Variants in PPARGC1A observed in about 807,000 individuals in gnomAD.
PPARGC1A encodes the protein peroxisome proliferator-activated receptor gamma coactivator 1-alpha.
PPARGC1A carries 25 observed loss-of-function variants against 88.7 expected under a neutral mutation model. The ratio of observed to expected loss-of-function variants is 0.28; its 90% CI spans 0.21 to 0.39. The LOEUF is 0.39. Ranked by LOEUF, PPARGC1A falls within the 10% of genes least tolerant of loss-of-function variation. The probability of loss-of-function intolerance (pLI) is 1.00; values close to 1 mark genes in which losing one functional copy is unlikely to be tolerated. For missense variants in PPARGC1A, 880 were observed against 968.7 expected (o/e 0.91, Z 1.22); for synonymous variants, 363 against 355.6 (o/e 1.02, Z -0.24).
chr4:24,160,387 G>C, the PPARGC1A span, among the ~76,000 whole-genome samples: 1 of 152,148 alleles, frequency 6.6e-6, no homozygotes, highest in East Asian at 1.9e-4. Context: ...TATTAAGTAA[G>C]TAAAAGTATT....
At chr4:23,846,263 G>A (rs535265742) in intron 2 of PPARGC1A, among the ~76,000 whole-genome samples, 38 of 152,148 alleles carry the variant, frequency 2.5e-4, no homozygotes, top group African/African-American at 8.2e-4. Flanking sequence ...TAAAAGCTGC[G>A]TGGTCAACTC....
chr4:24,444,444 T>A, the PPARGC1A span, among the ~76,000 whole-genome samples: 5 of 151,632 alleles, frequency 3.3e-5, no homozygotes, highest in South Asian at 2.1e-4. Flanking sequence ...GCAAAAAAAA[T>A]TTAAAAATTT....
At chr4:24,294,308 G>A in the PPARGC1A span, among the ~76,000 whole-genome samples, 6 of 152,066 alleles carry the variant, frequency 3.9e-5, no homozygotes, top group East Asian at 1.9e-4. Flanking sequence ...ATATGATCTC[G>A]AATAATGTTT....
At chr4:23,841,089 G>A (rs1177216985) in intron 2 of PPARGC1A, among the ~76,000 whole-genome samples, 2 of 152,048 alleles carry the variant, frequency 1.3e-5, no homozygotes, top group South Asian at 2.1e-4. Flanking sequence ...TCTTGAAAAC[G>A]CAGAAATTTA....
At chr4:24,470,277 G>GACACACAGACACACACACACAC in the PPARGC1A span, among the ~76,000 whole-genome samples, 3 of 110,746 alleles carry the variant, frequency 2.7e-5, no homozygotes, top group South Asian at 3.4e-4. This position sits in a 1 kb window ranked among gnomAD's most constrained non-coding sequence, Gnocchi z 5.8. Flanking sequence ...GACAGACACA[G>GACACACAGACACACACACACAC]ACACACACAC....
At chr4:24,120,171 A>G in the PPARGC1A span, among the ~76,000 whole-genome samples, 1 of 152,190 alleles carries the variant, frequency 6.6e-6, no homozygotes, top group African/African-American at 2.4e-5. Flanking sequence ...CTGAGGCTCC[A>G]GGGTTCAACC....
chr4:24,340,289 A>C, the PPARGC1A span, among the ~76,000 whole-genome samples: 1 of 152,206 alleles, frequency 6.6e-6, no homozygotes. Context: ...CCCAGTTATA[A>C]ACAAGAAATA....
chr4:23,860,494 G>T (rs1419810184), intron 2 of PPARGC1A, among the ~76,000 whole-genome samples: 2 of 152,132 alleles, frequency 1.3e-5, no homozygotes, highest in Middle Eastern at 3.2e-3. Context: ...TATGTGAGGT[G>T]ATGGATGTGT....
the PPARGC1A span, among the ~76,000 whole-genome samples, chr4:24,352,286 C>G: frequency 6.6e-6 from 1 of 152,146 alleles, no homozygotes; most frequent in Admixed American, 6.5e-5. Flanking sequence ...ATCACTCCAA[C>G]AGAAAGCACA....
chr4:24,008,412 A>G, the PPARGC1A span, among the ~76,000 whole-genome samples: 2 of 152,240 alleles, frequency 1.3e-5, no homozygotes, highest in African/African-American at 2.4e-5. Context: ...GGATATATCT[A>G]TTTTCAGTCC....
At chr4:24,122,391 G>GTGTT in the PPARGC1A span, among the ~76,000 whole-genome samples, 1 of 135,608 alleles carries the variant, frequency 7.4e-6, no homozygotes, top group Non-Finnish European at 1.6e-5. Flanking sequence ...GCGTATGTGT[G>GTGTT]TGTGTGTGTG....
the PPARGC1A span, among the ~76,000 whole-genome samples, chr4:24,361,850 C>G: frequency 6.6e-6 from 1 of 152,182 alleles, no homozygotes; most frequent in Admixed American, 6.5e-5. Flanking sequence ...GAAGTGAAGA[C>G]GGCCTCAGAG....
chr4:24,300,938 A>G, the PPARGC1A span, among the ~76,000 whole-genome samples: 4 of 152,180 alleles, frequency 2.6e-5, no homozygotes, highest in Non-Finnish European at 5.9e-5. Context: ...TTGAAGATAA[A>G]AGCTCAGATA....
At chr4:24,113,068 C>G in the PPARGC1A span, among the ~76,000 whole-genome samples, 1 of 152,206 alleles carries the variant, frequency 6.6e-6, no homozygotes, top group Admixed American at 6.5e-5. Context: ...CTTCTCCCAC[C>G]TCTGAACTTC....
chr4:24,262,957 A>G, the PPARGC1A span, among the ~76,000 whole-genome samples: 15,025 of 152,208 alleles, frequency 0.099, 848 homozygotes, highest in South Asian at 0.2. Flanking sequence ...GAGCGCTTCA[A>G]TATCTGCTAC....
At chr4:23,931,098 C>T in the PPARGC1A span, among the ~76,000 whole-genome samples, 1 of 152,192 alleles carries the variant, frequency 6.6e-6, no homozygotes, top group Non-Finnish European at 1.5e-5. Flanking sequence ...CACCTGCTCA[C>T]CCCACCTCTG....
chr4:24,087,516 A>G, the PPARGC1A span, among the ~76,000 whole-genome samples: 1 of 152,226 alleles, frequency 6.6e-6, no homozygotes, highest in Non-Finnish European at 1.5e-5. Context: ...TGGCCCCTCC[A>G]TAATATCTTC....
At chr4:23,907,389 T>C (rs1720173145), upstream of PPARGC1A, among the ~76,000 whole-genome samples, 1 of 152,180 alleles carries the variant, frequency 6.6e-6, no homozygotes, top group Non-Finnish European at 1.5e-5. Context: ...TCATCACCCT[T>C]TCTCGATTTG....
chr4:24,051,600 C>A, the PPARGC1A span, among the ~76,000 whole-genome samples: 2 of 152,124 alleles, frequency 1.3e-5, no homozygotes, highest in African/African-American at 4.8e-5. Context: ...TGCTGGGATT[C>A]GCATCCACAT....
Sources: gnomAD v4.1 joint callset for allele counts (sites outside exome capture counted in the v4.1 genomes callset) on GRCh38, gnomAD v4.1.1 for gene constraint, Gnocchi (gnomAD v3.1) non-coding constraint, MANE v1.5 for transcripts, NCBI Gene and HGNC (gene_info 2026-07-23, HGNC 2026-07-21) for gene names.